NLRP8: variants seen among roughly 807,000 people sequenced by gnomAD.
The protein encoded by NLRP8 is NLR family pyrin domain containing 8.
Under a neutral mutation model 88.7 loss-of-function variants are expected in NLRP8, and 86 were observed. The observed-to-expected ratio is 0.97, with a 90% CI of 0.81 to 1.16. The LOEUF is 1.16. Among genes scored for constraint, NLRP8 ranks in the 50% most tolerant of loss-of-function variants. The pLI, the probability that NLRP8 is intolerant of heterozygous loss-of-function variation, is 0.00. For missense variants in NLRP8, 1,342 were observed against 1,286.5 expected, an observed-to-expected ratio of 1.04 and a Z score of -0.66; for synonymous variants, 504 against 494.6, an observed-to-expected ratio of 1.02 and a Z score of -0.25.
rs1014745434 is a variant in NLRP8, at chr19:55,988,406, A to C, written c.*493A>C. The C allele has an allele frequency of 2.1e-5, 3 of 144,162 alleles. No individual in the cohort carries two copies. The highest frequency in any genetic ancestry group is 4.5e-5 in the Non-Finnish European group (3 of 67,056). 8.9% of individuals were successfully genotyped at this position (144,162 alleles called of 1,614,324 possible). ...CAAGACTCTGTCTCAAGAAGAAAAA[A>C]AAAATACATATACACATAAATATAT... is the stretch of plus-strand genomic sequence containing the variant. On this transcript the variant is annotated 3_prime_UTR_variant, in exon 10 of 10. Coordinates refer to ENST00000291971, the MANE Select transcript of NLRP8 (RefSeq NM_176811.2).
chr19:55,978,577 C>G (rs1375855515), intron 8 of NLRP8, among the ~76,000 whole-genome samples: 1 of 152,126 alleles, frequency 6.6e-6, no homozygotes, highest in Non-Finnish European at 1.5e-5. Flanking sequence ...TCATCCCACT[C>G]CCATGATAAC....
intron 3 of NLRP8, among the ~76,000 whole-genome samples, chr19:55,961,837 T>C (rs1979625463): frequency 3.3e-5 from 5 of 152,170 alleles, no homozygotes; most frequent in Admixed American, 3.3e-4. Context: ...CTTCCTTTTT[T>C]CCAAGTCATG....
chr19:55,955,162 G>A lies in NLRP8; in HGVS notation c.1104G>A (p.Met368Ile). The A allele has an allele frequency of 3.1e-6, 5 of 1,614,034 alleles. No individual in the cohort carries two copies. Among genetic ancestry groups the A allele is most frequent in the African/African-American group, 1.3e-5 (1 of 75,052 alleles). ...TGGAAAAAATCAAGTATTTCCAGATGTATTTTGGACACACAGAGGAGGGAG... is the reference window on the plus strand; with the variant it reads ...TGGAAAAAATCAAGTATTTCCAGATATATTTTGGACACACAGAGGAGGGAG... The change falls in exon 3 of 10, where the codon ATG becomes ATA. Residue 368 changes from methionine (M) to isoleucine (I), a missense_variant. By Grantham distance (10) the Met-to-Ile change is conservative. Coordinates refer to ENST00000291971, the MANE Select transcript of NLRP8 (RefSeq NM_176811.2).
rs372632895 is a variant in NLRP8 at position 55,974,592 on chromosome 19, C to T, written c.2705+770C>T. ...TCTACTAAAAATACAAAAAATTAGC[C>T]GGGCACAGTGGCGGGCGCCTGTAGT... On this transcript the variant is annotated intron_variant, in intron 7 of 9. Coordinates refer to ENST00000291971, the MANE Select transcript of NLRP8 (RefSeq NM_176811.2). Among the ~76,000 whole-genome samples, 6 of 151,870 alleles carry T rather than the reference C, an allele frequency of 4.0e-5. No homozygotes were observed. The East Asian group carries it at 5.8e-4, about 15-fold the overall frequency.
At chr19:55,982,905 A>T (rs1380434430) in intron 9 of NLRP8, among the ~76,000 whole-genome samples, 2 of 152,072 alleles carry the variant, frequency 1.3e-5, no homozygotes, top group Non-Finnish European at 2.9e-5. Flanking sequence ...ATGATGCATC[A>T]CTGCACTCCA....
At chr19:55,985,177 C>A (rs1352195186) in intron 9 of NLRP8, among the ~76,000 whole-genome samples, 4 of 152,102 alleles carry the variant, frequency 2.6e-5, no homozygotes, top group Admixed American at 1.3e-4. Context: ...GTGGCGGGCG[C>A]CTGTAATCCC....
intron 1 of NLRP8, among the ~76,000 whole-genome samples, chr19:55,952,243 A>G (rs540798798): frequency 9.2e-5 from 14 of 152,270 alleles, no homozygotes; most frequent in African/African-American, 2.9e-4. Flanking sequence ...TGTGTGTAAG[A>G]GTATGTGTGT....
rs3055401 is a variant in NLRP8 at position 55,988,229 on chromosome 19, T to TAA, written c.*326_*327dup. 28,987 of 150,878 alleles carry TAA rather than the reference T, an allele frequency of 0.19. 3,279 individuals carry two copies. Among genetic ancestry groups the TAA allele is most frequent in the Middle Eastern group, 0.26 (76 of 298 alleles). The allele number at this position is 150,878 out of a possible 1,614,324, so 9.3% of individuals were successfully genotyped here. A position where few individuals can be genotyped will look rare whatever the true frequency, so the allele number is the denominator to read the frequency against. On this transcript the variant is annotated 3_prime_UTR_variant, in exon 10 of 10. Coordinates refer to ENST00000291971, the MANE Select transcript of NLRP8 (RefSeq NM_176811.2). The stretch of plus-strand genomic sequence containing the variant: ...CAACATGGTGAAACCCCGCCTCTAC[T>TAA]AAAAAAAAAAATACAAAAAATTAGG...
chr19:55,950,417 C>T lies in NLRP8; in HGVS notation c.368-2121C>T, dbSNP rs528683188. Among the ~76,000 whole-genome samples the T allele has an allele frequency of 3.1e-4, 46 of 150,468 alleles. No homozygotes were observed. In the South Asian group the frequency reaches 9.0e-3, roughly 29 times the overall value. On this transcript the variant is annotated intron_variant, in intron 1 of 9. Coordinates refer to ENST00000291971, the MANE Select transcript of NLRP8 (RefSeq NM_176811.2). ...CTGGGTGACAAAAGCAGAACTCCAT[C>T]TCAAGAAACACACACACACACACAC...
In NLRP8 at chr19:55,988,013, C is replaced by G. The variant is rs1006241135; in HGVS notation, c.*100C>G. ...CATCCTGTATGCATTAACGTACTTTCCCCTGAAACAGAGCAACCCAGTCAA... is the reference window on the plus strand; with the variant it reads ...CATCCTGTATGCATTAACGTACTTTGCCCTGAAACAGAGCAACCCAGTCAA... On this transcript the variant is annotated 3_prime_UTR_variant, in exon 10 of 10. Coordinates refer to ENST00000291971, the MANE Select transcript of NLRP8 (RefSeq NM_176811.2). 9 of 897,552 alleles carry G rather than the reference C, an allele frequency of 1.0e-5. No homozygotes were observed. Among genetic ancestry groups the G allele is most frequent in the Non-Finnish European group, 1.6e-5 (9 of 555,398 alleles). The allele number at this position is 897,552 out of a possible 1,614,324, so 55.6% of individuals were successfully genotyped here. A position where few individuals can be genotyped will look rare whatever the true frequency, so the allele number is the denominator to read the frequency against.
chr19:55,970,432 C>A, intron 5 of NLRP8, 112 bp from the exon 6 acceptor site: 1 of 1,253,120 alleles, frequency 8.0e-7, no homozygotes, highest in Non-Finnish European at 1.1e-6. Flanking sequence ...TGGAAATAAT[C>A]CCCCGAGTCT....
Position 55,976,240 on chromosome 19 carries a change from A to C in NLRP8, c.2813A>C (p.Asp938Ala), listed in dbSNP as rs757488743. 21 of 1,613,726 alleles carry C rather than the reference A, an allele frequency of 1.3e-5. No homozygotes were observed. Among genetic ancestry groups the C allele is most frequent in the Non-Finnish European group, 1.8e-5 (21 of 1,179,954 alleles). Residue 938 changes from aspartate (D) to alanine (A), a missense_variant, in exon 8 of 10, where the codon GAT becomes GCT. Physicochemically the swap from Asp to Ala is moderately radical, Grantham distance 126. Transcript: ENST00000291971. Reference sequence around the variant, plus strand: ...GACCTAAGTTTTAATAGCCTGAAGGATGATGGGGTGATCCTGCTGTGTGAG... The same window carrying C: ...GACCTAAGTTTTAATAGCCTGAAGGCTGATGGGGTGATCCTGCTGTGTGAG...
intron 1 of NLRP8, 22 bp from the exon 2 acceptor site, chr19:55,952,516 A>T: frequency 6.2e-7 from 1 of 1,603,736 alleles, no homozygotes; most frequent in Admixed American, 1.7e-5. Context: ...CCCGTGGAAC[A>T]GCCTCCTTTT....
chr19:55,967,951 T>C (rs564228591), intron 5 of NLRP8, among the ~76,000 whole-genome samples: 1 of 152,378 alleles, frequency 6.6e-6, no homozygotes, highest in Non-Finnish European at 1.5e-5. Context: ...AAGAAACACT[T>C]CTGGCCTCTG....
intron 1 of NLRP8, among the ~76,000 whole-genome samples, chr19:55,950,679 C>T (rs1325717345): frequency 1.3e-5 from 2 of 152,206 alleles, no homozygotes; most frequent in African/African-American, 4.8e-5. Flanking sequence ...GTCATTTCCA[C>T]GCCTATGTGG....
At chr19:55,971,402 C>T (rs12971984) in intron 6 of NLRP8, among the ~76,000 whole-genome samples, 3,508 of 139,344 alleles carry the variant, frequency 0.025, 89 homozygotes, top group South Asian at 0.099. Flanking sequence ...GATCGCACCA[C>T]TGCACTCCAG....
chr19:55,987,844 C>G lies in NLRP8; in HGVS notation c.3078C>G (p.Ser1026Arg). 6.2e-7 allele frequency: 1 copy of G among 1,614,048 alleles called. No homozygotes were observed. Among genetic ancestry groups the G allele is most frequent in the Non-Finnish European group, 8.5e-7 (1 of 1,179,978 alleles). Residue 1026 changes from serine to arginine, a missense_variant, in exon 10 of 10, where the codon AGC becomes AGG. By Grantham distance (110) the Ser-to-Arg change is moderately radical. Coordinates refer to ENST00000291971, the MANE Select transcript of NLRP8 (RefSeq NM_176811.2). ...TTCCTGCCTGGACTCGAATAACTAGCTTCTCCCCAACTCCTCACCCACCCG... is the reference window on the plus strand; with the variant it reads ...TTCCTGCCTGGACTCGAATAACTAGGTTCTCCCCAACTCCTCACCCACCCG...
intron 8 of NLRP8, among the ~76,000 whole-genome samples, chr19:55,976,924 C>CA (rs1267581272): frequency 2.7e-5 from 4 of 149,660 alleles, no homozygotes; most frequent in African/African-American, 9.8e-5. Flanking sequence ...ACTAAAAATA[C>CA]AAAAAATTAG....
At chr19:55,960,087 A>AT (rs1364463398) in intron 3 of NLRP8, among the ~76,000 whole-genome samples, 2 of 151,888 alleles carry the variant, frequency 1.3e-5, no homozygotes, top group African/African-American at 2.4e-5. Flanking sequence ...GAATTCCTTC[A>AT]TTATCCTGTC....
Sources: allele counts gnomAD v4.1 joint callset (sites outside exome capture counted in the v4.1 genomes callset), GRCh38; gene constraint gnomAD v4.1.1; transcripts MANE v1.5; gene names NCBI Gene and HGNC (gene_info 2026-07-23, HGNC 2026-07-21).